The following CHL1 variants were observed in gnomAD, a reference collection of about 807,000 sequenced individuals.
CHL1 encodes cell adhesion molecule L1 like.
A neutral mutation model predicts 141.9 loss-of-function variants in CHL1; 96 were observed. That is an observed-to-expected ratio of 0.68 (90% CI 0.57 to 0.80). CHL1 has a LOEUF of 0.80. Among genes scored for constraint, CHL1 ranks in the 30% least tolerant of loss-of-function variants. CHL1 has a pLI of 0.00. For missense variants in CHL1, 1,820 were observed against 1,457.2 expected, an observed-to-expected ratio of 1.25 and a Z score of -4.05; for synonymous variants, 613 against 502.2, an observed-to-expected ratio of 1.22 and a Z score of -2.95.
At chr3:370,687 A>C (rs1260254806) in intron 15 of CHL1, among the ~76,000 whole-genome samples, 1 of 151,888 alleles carries the variant, frequency 6.6e-6, no homozygotes, top group Non-Finnish European at 1.5e-5. Flanking sequence ...GGTTCTTTTA[A>C]TTGTGATGTT....
intron 22 of CHL1, 61 bp downstream of exon 22, chr3:391,220 C>A (rs1708203053): frequency 7.5e-7 from 1 of 1,340,728 alleles, no homozygotes; most frequent in Non-Finnish European, 1.1e-6. Context: ...CCATATTAAA[C>A]ATTCTTCCTT....
intron 24 of CHL1, among the ~76,000 whole-genome samples, chr3:397,570 T>C (rs1264984384): frequency 2.0e-5 from 3 of 152,124 alleles, no homozygotes; most frequent in Non-Finnish European, 4.4e-5. Context: ...GAAGTTAACA[T>C]ATTTTTGTTC....
At chr3:220,401 C>T (rs1279947187) in intron 1 of CHL1, among the ~76,000 whole-genome samples, 3 of 152,072 alleles carry the variant, frequency 2.0e-5, no homozygotes, top group South Asian at 2.1e-4. Flanking sequence ...CCTGGAAATT[C>T]GAGGCTGTAG....
intron 1 of CHL1, among the ~76,000 whole-genome samples, chr3:226,057 C>T (rs1425549376): frequency 6.6e-6 from 1 of 151,096 alleles, no homozygotes; most frequent in Non-Finnish European, 1.5e-5. Flanking sequence ...AGTCTCGTTC[C>T]GTCGCCCAGG....
intron 11 of CHL1, among the ~76,000 whole-genome samples, chr3:359,504 T>C (rs1308002886): frequency 6.6e-6 from 1 of 152,096 alleles, no homozygotes; most frequent in East Asian, 1.9e-4. Context: ...GGTTTTGCCG[T>C]GTTGGCTAGG....
chr3:355,395 G>A lies in CHL1; in HGVS notation c.1165+624G>A, dbSNP rs540393585. 1.2e-4 allele frequency among the ~76,000 whole-genome samples: 19 copies of A among 152,340 alleles called. 1 individual carries two copies. The highest frequency in any genetic ancestry group is 4.6e-4 in the African/African-American group (19 of 41,576). On this transcript the variant is annotated intron_variant, in intron 11 of 27. Coordinates refer to ENST00000256509, the MANE Select transcript of CHL1 (RefSeq NM_006614.4). ...CAAATGGGCTGGGCGGGGAAAGACA[G>A]GAATGGCCCAGCACTGAGGGCCAAC...
At chr3:382,016 C>G (rs1395203203) in intron 16 of CHL1, among the ~76,000 whole-genome samples, 163 bp from the exon 17 acceptor site, 1 of 141,696 alleles carries the variant, frequency 7.1e-6, no homozygotes, top group Non-Finnish European at 1.5e-5. Flanking sequence ...ACCCTTGAAA[C>G]TCCACCTTTC....
intron 5 of CHL1, among the ~76,000 whole-genome samples, chr3:334,392 C>T (rs757794893): frequency 6.6e-6 from 1 of 152,064 alleles, no homozygotes; most frequent in Non-Finnish European, 1.5e-5. Flanking sequence ...AGTATTAAAA[C>T]ATTTCCATCA....
At chr3:238,069 T>C (rs1389543485) in intron 1 of CHL1, among the ~76,000 whole-genome samples, 1 of 152,232 alleles carries the variant, frequency 6.6e-6, no homozygotes, top group African/African-American at 2.4e-5. Flanking sequence ...AGAATTTCTG[T>C]CTGTGTGTTC....
intron 1 of CHL1, among the ~76,000 whole-genome samples, chr3:227,122 C>G (rs1026611379): frequency 6.6e-6 from 1 of 152,138 alleles, no homozygotes; most frequent in African/African-American, 2.4e-5. Context: ...CCTCTTCTTT[C>G]CATCCCATGC....
intron 15 of CHL1, among the ~76,000 whole-genome samples, chr3:367,916 A>G (rs1244129773): frequency 6.6e-6 from 1 of 152,138 alleles, no homozygotes; most frequent in Non-Finnish European, 1.5e-5. Flanking sequence ...GTCCCTGAAA[A>G]GGACATGATC....
At chr3:386,743 A>G (rs1298114713) in intron 19 of CHL1, among the ~76,000 whole-genome samples, 2 of 152,178 alleles carry the variant, frequency 1.3e-5, no homozygotes, top group East Asian at 3.8e-4. Context: ...TAATGGATCT[A>G]GGTTTTATTA....
intron 15 of CHL1, among the ~76,000 whole-genome samples, chr3:372,672 T>C (rs1455179713): frequency 1.3e-5 from 2 of 152,042 alleles, no homozygotes; most frequent in Non-Finnish European, 2.9e-5. Context: ...TTGTGATCAC[T>C]GGGAGGAGAG....
Position 389,376 on chromosome 3 carries a change from C to G in CHL1, c.2372C>G (p.Pro791Arg). ...AACCACACATTGCGGGTGATGACGC[C>G]TGCTGTCTATGCCCCTTATGATGTC... is the stretch of plus-strand genomic sequence containing the variant. ...VTNHTLRVMTPAVYAPYDVKV... is the reference protein window; with the variant it reads ...VTNHTLRVMTRAVYAPYDVKV... Residue 791 changes from proline (P) to arginine (R), a missense_variant, in exon 20 of 28, where the codon CCT (proline) becomes CGT (arginine). Transcript: ENST00000256509. The G allele has an allele frequency of 6.2e-7, 1 of 1,614,186 alleles. No homozygotes were observed.
rs150033105 is a variant in CHL1, at chr3:277,004, C to A, written c.-95+32312C>A. 5.3e-3 allele frequency among the ~76,000 whole-genome samples: 810 copies of A among 151,528 alleles called. 8 individuals carry two copies. The highest frequency in any genetic ancestry group is 0.019 in the African/African-American group (765 of 41,298). ...TGACTTTTCAAATGACTTCTCTATA[C>A]CCAAATGATCTCATCTGAAAATTGG... On this transcript the variant is annotated intron_variant, in intron 2 of 27. Coordinates refer to ENST00000256509, the MANE Select transcript of CHL1 (RefSeq NM_006614.4).
intron 1 of CHL1, among the ~76,000 whole-genome samples, chr3:235,254 G>A (rs1341438155): frequency 1.3e-5 from 2 of 151,962 alleles, no homozygotes; most frequent in Non-Finnish European, 2.9e-5. Flanking sequence ...TAACACCTAT[G>A]GCAATATTTA....
intron 2 of CHL1, among the ~76,000 whole-genome samples, chr3:315,832 T>G (rs1251203706): frequency 6.6e-6 from 1 of 151,778 alleles, no homozygotes; most frequent in Non-Finnish European, 1.5e-5. Context: ...CATGGACACA[T>G]ATGAGGAGTT....
At chr3:359,259 C>A (rs1337267382) in intron 11 of CHL1, among the ~76,000 whole-genome samples, 1 of 151,782 alleles carries the variant, frequency 6.6e-6, no homozygotes, top group Admixed American at 6.6e-5. Flanking sequence ...AGTTTTTGGT[C>A]CTTAAATGCA....
intron 1 of CHL1, among the ~76,000 whole-genome samples, chr3:228,510 G>A (rs1486409564): frequency 6.6e-6 from 1 of 151,838 alleles, no homozygotes; most frequent in Non-Finnish European, 1.5e-5. Context: ...CACAGCAGGG[G>A]AAATATTTCT....
Sources: allele counts gnomAD v4.1 joint callset (sites outside exome capture counted in the v4.1 genomes callset), GRCh38; gene constraint gnomAD v4.1.1; transcripts MANE v1.5; gene names NCBI Gene and HGNC (gene_info 2026-07-23, HGNC 2026-07-21).